Variants in PPP2R2B observed in about 807,000 individuals in gnomAD.
PPP2R2B encodes protein phosphatase 2 regulatory subunit Bbeta, also known as serine/threonine-protein phosphatase 2A 55 kDa regulatory subunit B beta isoform.
PPP2R2B carries 5 observed loss-of-function variants against 46.0 expected under a neutral mutation model. The observed-to-expected ratio is 0.11, with a 90% CI of 0.06 to 0.23. PPP2R2B has a LOEUF of 0.23. Ranked by LOEUF, PPP2R2B falls within the 10% of genes least tolerant of loss-of-function variation. PPP2R2B has a pLI of 1.00. For synonymous variants in PPP2R2B, 215 were observed against 206.7 expected (o/e 1.04, Z -0.34); for missense variants, 367 against 575.0 (o/e 0.64, Z 3.70).
chr5:146,876,043 A>C (rs1455221185), intron 2 of PPP2R2B, among the ~76,000 whole-genome samples: 1 of 152,168 alleles, frequency 6.6e-6, no homozygotes, highest in Non-Finnish European at 1.5e-5. Context: ...AGATTTTAAA[A>C]CCTAGAAGCT....
At chr5:146,676,338 T>C (rs1033339855) in intron 5 of PPP2R2B, among the ~76,000 whole-genome samples, 3 of 152,094 alleles carry the variant, frequency 2.0e-5, no homozygotes, top group South Asian at 4.1e-4. Flanking sequence ...AGACCTATGG[T>C]GCCCAGCATG....
intron 2 of PPP2R2B, among the ~76,000 whole-genome samples, chr5:146,763,183 T>G (rs954884310): frequency 6.6e-6 from 1 of 152,194 alleles, no homozygotes; most frequent in African/African-American, 2.4e-5. Flanking sequence ...GCATCCAAAG[T>G]GCTTTTGCTC....
chr5:146,827,769 G>A (rs1481659876), intron 2 of PPP2R2B, among the ~76,000 whole-genome samples: 1 of 152,118 alleles, frequency 6.6e-6, no homozygotes, highest in East Asian at 1.9e-4. Flanking sequence ...ATTACTGAGG[G>A]TAGAAGAGAT....
At chr5:146,675,512 T>C (rs1400718517) in intron 5 of PPP2R2B, among the ~76,000 whole-genome samples, 1 of 152,136 alleles carries the variant, frequency 6.6e-6, no homozygotes, top group Non-Finnish European at 1.5e-5. Flanking sequence ...ATAACAACCA[T>C]GATTGTTATG....
chr5:146,971,804 A>C (rs1370088783), intron 1 of PPP2R2B, among the ~76,000 whole-genome samples: 1 of 152,114 alleles, frequency 6.6e-6, no homozygotes, highest in Non-Finnish European at 1.5e-5. Flanking sequence ...TCTTTAACAT[A>C]CTTTTTTTAT....
chr5:146,813,111 T>A (rs1448961030), intron 2 of PPP2R2B, among the ~76,000 whole-genome samples: 1 of 151,336 alleles, frequency 6.6e-6, no homozygotes, highest in African/African-American at 2.4e-5. Flanking sequence ...ATACATATAC[T>A]ATGAATGAAG....
chr5:146,805,907 T>C (rs895475336), intron 2 of PPP2R2B, among the ~76,000 whole-genome samples: 5 of 152,306 alleles, frequency 3.3e-5, no homozygotes, highest in African/African-American at 1.2e-4. Flanking sequence ...TCCTAGTTCT[T>C]ATTTATTTCC....
intron 2 of PPP2R2B, among the ~76,000 whole-genome samples, chr5:146,792,894 G>A (rs909116557): frequency 6.6e-6 from 1 of 152,142 alleles, no homozygotes; most frequent in East Asian, 1.9e-4. Flanking sequence ...CACTGGGTGA[G>A]GTGGGGAGTC....
chr5:146,834,771 T>C (rs1163011606), intron 2 of PPP2R2B, among the ~76,000 whole-genome samples: 1 of 152,150 alleles, frequency 6.6e-6, no homozygotes, highest in Non-Finnish European at 1.5e-5. Context: ...CCATGCCCTC[T>C]TTCCATCCTT....
At chr5:147,063,960 T>G (rs1024778634) in intron 2 of PPP2R2B, among the ~76,000 whole-genome samples, 6 of 152,196 alleles carry the variant, frequency 3.9e-5, no homozygotes, top group Non-Finnish European at 8.8e-5. Flanking sequence ...GAGGCCATAA[T>G]AGTAAATCTT....
intron 7 of PPP2R2B, among the ~76,000 whole-genome samples, chr5:146,620,628 C>T (rs2151055187): frequency 6.6e-6 from 1 of 152,272 alleles, no homozygotes; most frequent in African/African-American, 2.4e-5. Flanking sequence ...TTACACATTC[C>T]TACAGCCAGT....
intron 2 of PPP2R2B, among the ~76,000 whole-genome samples, chr5:146,745,106 A>G (rs942923572): frequency 6.7e-6 from 1 of 149,594 alleles, no homozygotes; most frequent in Non-Finnish European, 1.5e-5. Context: ...TTTGCAGCTC[A>G]GTGTCAGTTG....
At chr5:146,878,986 G>A, upstream of PPP2R2B, 1 of 1,055,892 alleles carries the variant, frequency 9.5e-7, no homozygotes, top group East Asian at 5.8e-5. The surrounding 1 kb of genome is among the most constrained non-coding windows in gnomAD (Gnocchi z 4.5). Flanking sequence ...CCCCTCTCGC[G>A]CCACTCAGCT....
chr5:146,732,844 T>C (rs1752312788), intron 2 of PPP2R2B, among the ~76,000 whole-genome samples: 1 of 152,210 alleles, frequency 6.6e-6, no homozygotes, highest in African/African-American at 2.4e-5. Context: ...ATATAGACTG[T>C]AGCTGGGGCA....
At chr5:146,796,492 C>A (rs1026841328) in intron 2 of PPP2R2B, among the ~76,000 whole-genome samples, 1 of 152,132 alleles carries the variant, frequency 6.6e-6, no homozygotes, top group Non-Finnish European at 1.5e-5. Context: ...AGAGTGCCCA[C>A]AATGTGCCAT....
rs1309353143 is a variant in PPP2R2B at position 146,581,896 on chromosome 5, G to A, written c.*8051C>T. The A allele has an allele frequency of 1.3e-5, 2 of 152,210 alleles. No homozygotes were observed. Among genetic ancestry groups the A allele is most frequent in the Non-Finnish European group, 2.9e-5 (2 of 68,030 alleles). 9.4% of individuals were successfully genotyped at this position (152,210 alleles called of 1,614,324 possible). ...GACTTTCAATTATGCCACAGTCAGA[G>A]AAGCTGAAATAAGAAAGCCACACTG... is the stretch of plus-strand genomic sequence containing the variant. On this transcript the variant is annotated 3_prime_UTR_variant, in exon 10 of 10. Transcript: ENST00000394411.
chr5:146,995,030 GT>G (rs1753863055), intron 1 of PPP2R2B, among the ~76,000 whole-genome samples: 1 of 152,196 alleles, frequency 6.6e-6, no homozygotes, highest in African/African-American at 2.4e-5. Context: ...GCAGTGGTAT[GT>G]TAGTGATTTA....
At chr5:146,706,276 C>G (rs539269763) in intron 2 of PPP2R2B, 1 of 502,326 alleles carries the variant, frequency 2.0e-6, no homozygotes, top group Admixed American at 2.4e-5. Flanking sequence ...CAACCATGGC[C>G]CTGGTGGAGC....
chr5:146,736,085 G>A (rs1285889280), intron 2 of PPP2R2B, among the ~76,000 whole-genome samples: 2 of 152,132 alleles, frequency 1.3e-5, no homozygotes, highest in Non-Finnish European at 1.5e-5. Flanking sequence ...CTGTTCTTAT[G>A]AGAGTGAGTT....
Sources: gnomAD v4.1 joint callset for allele counts (sites outside exome capture counted in the v4.1 genomes callset) on GRCh38, gnomAD v4.1.1 for gene constraint, Gnocchi (gnomAD v3.1) non-coding constraint, MANE v1.5 for transcripts, NCBI Gene and HGNC (gene_info 2026-07-23, HGNC 2026-07-21) for gene names.